TAF1C: variants seen among roughly 807,000 people sequenced by gnomAD.
The protein encoded by TAF1C is TATA-box binding protein associated factor, RNA polymerase I subunit C, also known as TATA box-binding protein-associated factor RNA polymerase I subunit C.
In TAF1C, 79 loss-of-function variants were observed where a neutral mutation model predicts 70.5. That is an observed-to-expected ratio of 1.12 (90% CI 0.93 to 1.35). The LOEUF (loss-of-function observed/expected upper bound fraction) is 1.35, where lower values mean the gene tolerates loss of function less well. TAF1C is among the 40% of genes most tolerant of loss of function. The probability of loss-of-function intolerance (pLI) is 0.00; values close to 1 mark genes in which losing one functional copy is unlikely to be tolerated. For missense variants in TAF1C, 1,412 were observed against 1,127.8 expected (o/e 1.25, Z -3.61); for synonymous variants, 614 against 491.1 (o/e 1.25, Z -3.31).
chr16:84,181,303 T>C (rs1256545301), intron 11 of TAF1C, 25 bp downstream of exon 11: 1 of 1,610,410 alleles, frequency 6.2e-7, no homozygotes, highest in Non-Finnish European at 8.5e-7. Context: ...GCAGTCGGGG[T>C]GGGTCCTCTG....
At position 84,179,451 on chromosome 16, in the gene TAF1C, G is replaced by A; in HGVS notation, c.2022C>T (p.Leu674=). Residue 674 remains leucine, a synonymous_variant, in exon 15 of 15, where the codon CTC becomes CTT. Transcript: ENST00000566732. ...QLLLQRDLGS[L]PAAEPPPAPE... ...GTGCAGGGGGTGGCTCTGCCGCAGG[G>A]AGGGAGCCCAGGTCTCTCTGCAGCA... The A allele has an allele frequency of 5.0e-6, 8 of 1,597,630 alleles. No individual in the cohort carries two copies. Among genetic ancestry groups the A allele is most frequent in the Non-Finnish European group, 6.8e-6 (8 of 1,177,020 alleles).
At position 84,179,963 on chromosome 16, in the gene TAF1C, A is replaced by G; in HGVS notation, c.1604T>C (p.Leu535Pro). 6.2e-7 allele frequency: 1 copy of G among 1,612,308 alleles called. No homozygotes were observed. Among genetic ancestry groups the G allele is most frequent in the South Asian group, 1.1e-5 (1 of 91,064 alleles). Residue 535 changes from leucine (L) to proline (P), a missense_variant, in exon 14 of 15, where the codon CTG becomes CCG. Physicochemically the swap from Leu to Pro is moderately conservative, Grantham distance 98. Transcript: ENST00000566732. Reference sequence around the variant, plus strand: ...CAGCACACCTATGGTCGGTGCTTTCAGGCGCTCCTGCAGCCGCCACTGGAT... The same window carrying G: ...CAGCACACCTATGGTCGGTGCTTTCGGGCGCTCCTGCAGCCGCCACTGGAT... The part of the protein sequence containing the change: ...PKIQWRLQER[L>P]KAPTIGLAAV...
rs756393540 is a variant in TAF1C, at chr16:84,177,869, G to C, written c.*1072C>G. On this transcript the variant is annotated 3_prime_UTR_variant, in exon 15 of 15. Coordinates refer to ENST00000566732, the MANE Select transcript of TAF1C (RefSeq NM_001243156.2). ...TTCCCCAGTTATATGTAGCATAAATGGTTTAATCATAAATGTCTCCCTTAG... is the reference window on the plus strand; with the variant it reads ...TTCCCCAGTTATATGTAGCATAAATCGTTTAATCATAAATGTCTCCCTTAG... The C allele has an allele frequency of 1.9e-6, 3 of 1,576,552 alleles. No individual in the cohort carries two copies. The South Asian group carries it at 3.3e-5, about 17-fold the overall frequency.
chr16:84,182,933 C>G lies in TAF1C; in HGVS notation c.482+143G>C. The G allele has an allele frequency of 1.3e-6, 1 of 779,726 alleles. No homozygotes were observed. Among genetic ancestry groups the G allele is most frequent in the Non-Finnish European group, 2.1e-6 (1 of 476,734 alleles). 48.3% of individuals were successfully genotyped at this position (779,726 alleles called of 1,614,324 possible). A position where few individuals can be genotyped will look rare whatever the true frequency, so the allele number is the denominator to read the frequency against. ...CCTGAGATGATTTGGAGTTGGAAGTCTGGTATAAGAAAGTACAGCTCAGAC... is the reference window on the plus strand; with the variant it reads ...CCTGAGATGATTTGGAGTTGGAAGTGTGGTATAAGAAAGTACAGCTCAGAC... On this transcript the variant is annotated intron_variant, in intron 6 of 14. Coordinates refer to ENST00000566732, the MANE Select transcript of TAF1C (RefSeq NM_001243156.2). The surrounding 1 kb of genome is among the most constrained non-coding windows in gnomAD (Gnocchi z 5.0).
In TAF1C at chr16:84,179,655, G is replaced by A. The variant is rs2089000787; in HGVS notation, c.1818C>T (p.Asp606=). ...HAPTASWTSQ[D]TAGCSQWLKA... ...TCAGCCACTGGCTGCAGCCGGCAGT[G>A]TCCTGGGAGGTCCAGGAAGCTGTGG... Residue 606 remains aspartate (D), a synonymous_variant, in exon 15 of 15, where the codon GAC becomes GAT. Coordinates refer to ENST00000566732, the MANE Select transcript of TAF1C (RefSeq NM_001243156.2). The A allele has an allele frequency of 1.2e-6, 2 of 1,612,644 alleles. No individual in the cohort carries two copies. The highest frequency in any genetic ancestry group is 1.7e-6 in the Non-Finnish European group (2 of 1,179,910).
intron 3 of TAF1C, 78 bp from the exon 4 acceptor site, chr16:84,183,585 A>C: frequency 6.5e-7 from 1 of 1,549,472 alleles, no homozygotes; most frequent in Non-Finnish European, 8.8e-7. Context: ...GAGGTATCCA[A>C]GGGTCCTGAG....
rs2151320452 is a variant in TAF1C at position 84,186,958 on chromosome 16, G to A, written c.-130C>T. 6.6e-6 allele frequency: 1 copy of A among 152,342 alleles called. No homozygotes were observed. Among genetic ancestry groups the A allele is most frequent in the Non-Finnish European group, 1.5e-5 (1 of 68,034 alleles). 9.4% of individuals were successfully genotyped at this position (152,342 alleles called of 1,614,324 possible). Reference sequence around the variant, plus strand: ...ATGGGCCTCGGCGTGATGCTCGCCGGACCCTGGCACCACGAGGGAAATCTC... The same window carrying A: ...ATGGGCCTCGGCGTGATGCTCGCCGAACCCTGGCACCACGAGGGAAATCTC... On this transcript the variant is annotated 5_prime_UTR_variant, in exon 1 of 15. Transcript: ENST00000566732.
At chr16:84,186,241 G>T (rs2089481670) in intron 1 of TAF1C, among the ~76,000 whole-genome samples, 1 of 152,178 alleles carries the variant, frequency 6.6e-6, no homozygotes, top group South Asian at 2.1e-4. Context: ...GCTAGCATTA[G>T]AGTCTCGCTA....
chr16:84,183,232 C>A lies in TAF1C; in HGVS notation c.408+12G>T. The A allele has an allele frequency of 3.7e-6, 6 of 1,614,006 alleles. No individual in the cohort carries two copies. Among genetic ancestry groups the A allele is most frequent in the Non-Finnish European group, 3.4e-6 (4 of 1,180,022 alleles). ...CAGGGAGTCCCCACCCCTGGAGTCA[C>A]GGGCCACTCACCCCCGCTCCCTCCA... On this transcript the variant is annotated intron_variant, in intron 5 of 14. Coordinates refer to ENST00000566732, the MANE Select transcript of TAF1C (RefSeq NM_001243156.2).
At chr16:84,180,551 G>A (rs2089103584) in intron 12 of TAF1C, 1 of 618,788 alleles carries the variant, frequency 1.6e-6, no homozygotes, top group Non-Finnish European at 2.6e-6. Flanking sequence ...ACAGTCCGGT[G>A]GACAGACAGA....
chr16:84,181,008 A>G (rs2089149468), intron 12 of TAF1C, 35 bp downstream of exon 12: 1 of 1,580,646 alleles, frequency 6.3e-7, no homozygotes, highest in Non-Finnish European at 8.7e-7. Context: ...GAGACAGAGC[A>G]GAGGTGGGGC....
Position 84,182,347 on chromosome 16 carries a change from C to T in TAF1C, c.576G>A (p.Glu192=). ...GCAGCACCAGCTCCTCGTGCAGCAG[C>T]TCTGCCAAGTGGCTCGCCACCGACG... is the stretch of plus-strand genomic sequence containing the variant. ...LGTSVASHLA[E]LLHEELVLRW... Residue 192 remains glutamate, a synonymous_variant, in exon 7 of 15, where the codon GAG becomes GAA. Coordinates refer to ENST00000566732, the MANE Select transcript of TAF1C (RefSeq NM_001243156.2). This position sits in a 1 kb window ranked among gnomAD's most constrained non-coding sequence, Gnocchi z 5.0. 2 of 1,612,484 alleles carry T rather than the reference C, an allele frequency of 1.2e-6. No individual in the cohort carries two copies. Among genetic ancestry groups the T allele is most frequent in the East Asian group, 2.2e-5 (1 of 44,864 alleles).
In TAF1C at chr16:84,182,164, G is replaced by A. The variant is rs757060968; in HGVS notation, c.721+38C>T. The A allele has an allele frequency of 5.6e-6, 9 of 1,593,726 alleles. No homozygotes were observed. The highest frequency in any genetic ancestry group is 2.3e-5 in the South Asian group (2 of 88,722). ...CAAGAGCACCTCCTCTACCAGAGGC[G>A]AGCCCGCTGGAATCTCCTGTCTCGC... is the stretch of plus-strand genomic sequence containing the variant. On this transcript the variant is annotated intron_variant, in intron 7 of 14. Coordinates refer to ENST00000566732, the MANE Select transcript of TAF1C (RefSeq NM_001243156.2). The surrounding 1 kb of genome is among the most constrained non-coding windows in gnomAD (Gnocchi z 5.0).
At chr16:84,180,416 A>C in intron 12 of TAF1C, 72 bp from the exon 13 acceptor site, 1 of 1,458,898 alleles carries the variant, frequency 6.9e-7, no homozygotes. Flanking sequence ...TCCAGGCCCC[A>C]TGTGGCTCTC....
rs1429333092 is a variant in TAF1C at position 84,183,505 on chromosome 16, G to T, written c.223C>A (p.Pro75Thr). The T allele has an allele frequency of 6.2e-7, 1 of 1,609,004 alleles. No individual in the cohort carries two copies. Among genetic ancestry groups the T allele is most frequent in the Admixed American group, 1.7e-5 (1 of 59,262 alleles). ...CGGGCAGTCAGGCCAGGGTCCCAGG[G>T]ATCTGAGAAGGAGGTTACGGAAAGG... is the stretch of plus-strand genomic sequence containing the variant. ...PLPMLPPLID[P>T]WDPGLTARDL... Residue 75 changes from proline to threonine, a missense_variant and splice_region_variant, in exon 4 of 15, where the codon CCC (proline) becomes ACC (threonine). Transcript: ENST00000566732.
Position 84,179,732 on chromosome 16 carries a change from G to A in TAF1C, c.1741C>T (p.Leu581Phe), listed in dbSNP as rs1171942060. 3.1e-6 allele frequency: 5 copies of A among 1,611,734 alleles called. No homozygotes were observed. The highest frequency in any genetic ancestry group is 2.7e-5 in the African/African-American group (2 of 74,912). The change falls in exon 15 of 15, where the codon CTC (leucine) becomes TTC (phenylalanine). Residue 581 changes from leucine to phenylalanine, a missense_variant. By Grantham distance (22) the Leu-to-Phe change is conservative. Coordinates refer to ENST00000566732, the MANE Select transcript of TAF1C (RefSeq NM_001243156.2). ...CCAGGAGGCCCAGCATCTCTGCGGA[G>A]GCTGGAGTCCACCTGGGGGCGGAGC... ...QQLRPQVDSS[L>F]RRDAGPPGDT...
Position 84,178,116 on chromosome 16 carries a change from G to A in TAF1C, c.*825C>T. The A allele has an allele frequency of 2.3e-6, 1 of 430,278 alleles. No individual in the cohort carries two copies. Among genetic ancestry groups the A allele is most frequent in the Non-Finnish European group, 4.4e-6 (1 of 228,632 alleles). The allele number at this position is 430,278 out of a possible 1,614,324, so 26.7% of individuals were successfully genotyped here. ...CCACTGCAGCTAGAGAAACTCCGAG[G>A]AAGAGGGACTTGATGCTTTAGACAT... On this transcript the variant is annotated 3_prime_UTR_variant, in exon 15 of 15. Coordinates refer to ENST00000566732, the MANE Select transcript of TAF1C (RefSeq NM_001243156.2).
At chr16:84,184,713 G>A in intron 2 of TAF1C, 138 bp downstream of exon 2, 5 of 1,119,326 alleles carry the variant, frequency 4.5e-6, no homozygotes, top group Non-Finnish European at 6.2e-6. Context: ...CCCCAGAGGA[G>A]GTGGCAGAGC....
In TAF1C at chr16:84,181,433, G is replaced by C. The variant is rs1801174310; in HGVS notation, c.1059C>G (p.Thr353=). The C allele has an allele frequency of 6.2e-7, 1 of 1,613,706 alleles. No homozygotes were observed. The highest frequency in any genetic ancestry group is 1.3e-5 in the African/African-American group (1 of 74,930). Residue 353 remains threonine (T), a synonymous_variant, in exon 11 of 15, where the codon ACC becomes ACG. Transcript: ENST00000566732. ...ACGAAGAGGAGTCCCGGAACACGAG[G>C]GTCTCAGGGTCCCTGTAGATTTGCC... ...GLRQIYRDPE[T]LVFRDSSSWR...
Sources: gnomAD v4.1 joint callset for allele counts (sites outside exome capture counted in the v4.1 genomes callset) on GRCh38, gnomAD v4.1.1 for gene constraint, Gnocchi (gnomAD v3.1) non-coding constraint, MANE v1.5 for transcripts, NCBI Gene and HGNC (gene_info 2026-07-23, HGNC 2026-07-21) for gene names.